HSDL2: variants seen among roughly 807,000 people sequenced by gnomAD.
HSDL2 encodes hydroxysteroid dehydrogenase-like protein 2.
A neutral mutation model predicts 46.3 loss-of-function variants in HSDL2; 27 were observed. That is an observed-to-expected ratio of 0.58 (90% CI 0.43 to 0.80). The LOEUF is 0.80. Ranked by LOEUF, HSDL2 falls within the 30% of genes least tolerant of loss-of-function variation. The pLI, the probability that HSDL2 is intolerant of heterozygous loss-of-function variation, is 0.00. For missense variants in HSDL2, 451 were observed against 502.7 expected, an observed-to-expected ratio of 0.90 and a Z score of 0.98; for synonymous variants, 153 against 163.6, an observed-to-expected ratio of 0.94 and a Z score of 0.50.
chr9:112,417,731 A>G (rs948201529), intron 5 of HSDL2, among the ~76,000 whole-genome samples: 5 of 151,566 alleles, frequency 3.3e-5, no homozygotes, highest in Non-Finnish European at 7.4e-5. Context: ...GCCTTTTTTT[A>G]TTATTGTTTT....
At chr9:112,431,589 G>A (rs1832403695) in intron 6 of HSDL2, among the ~76,000 whole-genome samples, 1 of 152,110 alleles carries the variant, frequency 6.6e-6, no homozygotes, top group African/African-American at 2.4e-5. Flanking sequence ...GATCATGGGG[G>A]CAGCTTTCTC....
intron 1 of HSDL2, among the ~76,000 whole-genome samples, chr9:112,382,739 C>G (rs1380039166): frequency 6.6e-6 from 1 of 152,154 alleles, no homozygotes; most frequent in Non-Finnish European, 1.5e-5. Flanking sequence ...TCTGGCTTAA[C>G]AAATGAGGTT....
At chr9:112,449,386 C>T (rs1208468468) in intron 8 of HSDL2, among the ~76,000 whole-genome samples, 1 of 152,120 alleles carries the variant, frequency 6.6e-6, no homozygotes, top group Non-Finnish European at 1.5e-5. Flanking sequence ...CACGCCCAGC[C>T]TCTTTCCTCT....
chr9:112,415,951 A>G (rs149589518), intron 4 of HSDL2, among the ~76,000 whole-genome samples: 1,646 of 152,244 alleles, frequency 0.011, 34 homozygotes, highest in African/African-American at 0.038. Context: ...TACTAAAAAT[A>G]CAAAACATTA....
chr9:112,390,902 G>A (rs937120797), intron 1 of HSDL2, among the ~76,000 whole-genome samples: 5 of 152,110 alleles, frequency 3.3e-5, no homozygotes, highest in African/African-American at 4.8e-5. Context: ...TAGGCTGGAC[G>A]CAGTGACTCA....
Position 112,470,620 on chromosome 9 carries a change from T to A in HSDL2, c.*76T>A, listed in dbSNP as rs1239821307. Reference sequence around the variant, plus strand: ...CTCAACAGTTAAAATCTAATGTTTGTTTTCTTTCCTGTTATATTATAAGGA... The same window carrying A: ...CTCAACAGTTAAAATCTAATGTTTGATTTCTTTCCTGTTATATTATAAGGA... On this transcript the variant is annotated 3_prime_UTR_variant, in exon 11 of 11. Coordinates refer to ENST00000398805, the MANE Select transcript of HSDL2 (RefSeq NM_032303.5). 1.3e-6 allele frequency: 1 copy of A among 773,492 alleles called. No individual in the cohort carries two copies. Among genetic ancestry groups the A allele is most frequent in the African/African-American group, 1.8e-5 (1 of 56,084 alleles). 47.9% of individuals were successfully genotyped at this position (773,492 alleles called of 1,614,324 possible). A position where few individuals can be genotyped will look rare whatever the true frequency, so the allele number is the denominator to read the frequency against.
At chr9:112,431,037 G>A in intron 6 of HSDL2, among the ~76,000 whole-genome samples, 1 of 135,580 alleles carries the variant, frequency 7.4e-6, no homozygotes, top group South Asian at 2.4e-4. Context: ...GGGTGACAGA[G>A]TGAGATTCCA....
chr9:112,450,971 C>T (rs1165381472), intron 8 of HSDL2, among the ~76,000 whole-genome samples: 2 of 151,900 alleles, frequency 1.3e-5, no homozygotes, highest in African/African-American at 4.8e-5. Flanking sequence ...GTGGCTGAGG[C>T]GGGTGGATCG....
chr9:112,416,732 T>C (rs1012293360), intron 4 of HSDL2, 109 bp from the exon 5 acceptor site: 138 of 562,380 alleles, frequency 2.5e-4, no homozygotes, highest in Non-Finnish European at 9.7e-5. Flanking sequence ...TGTGATCGAG[T>C]CATGCACTCC....
chr9:112,401,019 A>G (rs556349950), intron 1 of HSDL2, among the ~76,000 whole-genome samples: 83 of 152,280 alleles, frequency 5.5e-4, no homozygotes, highest in Non-Finnish European at 9.3e-4. Flanking sequence ...ACACAATTCA[A>G]TCAATAACAG....
Position 112,459,499 on chromosome 9 carries a change from G to A in HSDL2, c.1066G>A (p.Val356Ile). ...FLDLKSKGGNVGYGEPSDQAD... is the reference protein window; with the variant it reads ...FLDLKSKGGNIGYGEPSDQAD... ...TGATCTGAAAAGCAAGGGTGGGAAT[G>A]TCGGATATGGAGAGCCTTCTGATCA... is the stretch of plus-strand genomic sequence containing the variant. Residue 356 changes from valine to isoleucine, a missense_variant, in exon 10 of 11, where the codon GTC becomes ATC. Coordinates refer to ENST00000398805, the MANE Select transcript of HSDL2 (RefSeq NM_032303.5). 1 of 1,613,956 alleles carries A rather than the reference G, an allele frequency of 6.2e-7. No homozygotes were observed. The highest frequency in any genetic ancestry group is 1.3e-5 in the African/African-American group (1 of 75,064).
intron 10 of HSDL2, among the ~76,000 whole-genome samples, chr9:112,466,562 AATC>A (rs1348505557): frequency 2.1e-5 from 3 of 145,342 alleles, no homozygotes; most frequent in South Asian, 2.2e-4. Context: ...AAAAAAAAAA[AATC>A]TTCATATATT....
chr9:112,417,049 T>C (rs1306400163), intron 5 of HSDL2, 105 bp downstream of exon 5: 8 of 465,114 alleles, frequency 1.7e-5, no homozygotes, highest in Non-Finnish European at 3.1e-5. Context: ...ACATTCATCA[T>C]TGAATTTTCT....
intron 10 of HSDL2, among the ~76,000 whole-genome samples, chr9:112,466,084 T>C (rs1280500543): frequency 6.6e-6 from 1 of 152,246 alleles, no homozygotes; most frequent in Non-Finnish European, 1.5e-5. Flanking sequence ...TTTTTCATTA[T>C]TGCCACCCTA....
intron 10 of HSDL2, among the ~76,000 whole-genome samples, chr9:112,463,315 C>T (rs1392812168): frequency 6.6e-6 from 1 of 151,272 alleles, no homozygotes; most frequent in Non-Finnish European, 1.5e-5. Flanking sequence ...GCTTTGCTGC[C>T]CAGGCTGGTC....
chr9:112,465,162 G>A (rs1050724660), intron 10 of HSDL2, among the ~76,000 whole-genome samples: 9 of 151,994 alleles, frequency 5.9e-5, no homozygotes, highest in African/African-American at 9.7e-5. Flanking sequence ...AGAGTCTCGC[G>A]CAGTCACCCC....
chr9:112,455,184 G>A (rs562433943), intron 9 of HSDL2, among the ~76,000 whole-genome samples: 8 of 151,902 alleles, frequency 5.3e-5, no homozygotes, highest in Non-Finnish European at 8.8e-5. Context: ...AGTACACTGC[G>A]ATCGCATCTG....
At chr9:112,413,263 G>A (rs903526595) in intron 4 of HSDL2, among the ~76,000 whole-genome samples, 2 of 151,864 alleles carry the variant, frequency 1.3e-5, no homozygotes, top group Admixed American at 6.6e-5. Context: ...CAGATTACAT[G>A]AGGTCGGAAG....
intron 8 of HSDL2, among the ~76,000 whole-genome samples, chr9:112,444,940 C>T (rs1462355930): frequency 6.7e-6 from 1 of 149,562 alleles, no homozygotes; most frequent in Non-Finnish European, 1.5e-5. Flanking sequence ...TGCAGTGGCT[C>T]GATCATAGCC....
Sources: gnomAD v4.1 joint callset for allele counts (sites outside exome capture counted in the v4.1 genomes callset) on GRCh38, gnomAD v4.1.1 for gene constraint, MANE v1.5 for transcripts, NCBI Gene and HGNC (gene_info 2026-07-23, HGNC 2026-07-21) for gene names.